Variants in OXR1 observed in about 807,000 individuals in gnomAD.
OXR1 encodes the protein oxidation resistance protein 1.
Under a neutral mutation model 104.6 loss-of-function variants are expected in OXR1, and 41 were observed. That is an observed-to-expected ratio of 0.39 (90% CI 0.31 to 0.51). The LOEUF (loss-of-function observed/expected upper bound fraction) is 0.51. Ranked by LOEUF, OXR1 falls within the 20% of genes least tolerant of loss-of-function variation. The pLI is 0.77. For synonymous variants in OXR1, 348 were observed against 348.4 expected (o/e 1.00, Z 0.01); for missense variants, 955 against 1,031.9 (o/e 0.93, Z 1.02).
intron 2 of OXR1, among the ~76,000 whole-genome samples, chr8:106,380,687 G>A (rs1272563171): frequency 6.6e-6 from 1 of 152,134 alleles, no homozygotes; most frequent in Non-Finnish European, 1.5e-5. Context: ...CAATCTCACT[G>A]TGGTTTTGAT....
chr8:106,646,980 T>C (rs575855022), intron 3 of OXR1, among the ~76,000 whole-genome samples: 3 of 152,296 alleles, frequency 2.0e-5, no homozygotes, highest in South Asian at 4.1e-4. Context: ...ACATTCCAGG[T>C]ATGGAGTATT....
intron 2 of OXR1, among the ~76,000 whole-genome samples, chr8:106,421,941 G>T (rs1445808453): frequency 7.9e-5 from 12 of 152,048 alleles, no homozygotes; most frequent in African/African-American, 2.7e-4. Context: ...TGATTATTTG[G>T]CTGTTTGGGG....
intron 2 of OXR1, among the ~76,000 whole-genome samples, chr8:106,406,310 TA>T (rs1345626951): frequency 2.6e-5 from 4 of 152,260 alleles, no homozygotes; most frequent in East Asian, 1.9e-4. Flanking sequence ...ATTTTTTAAT[TA>T]AAAAATTAAG....
chr8:106,725,437 T>C (rs886427936), intron 11 of OXR1, among the ~76,000 whole-genome samples: 4 of 152,204 alleles, frequency 2.6e-5, no homozygotes, highest in Admixed American at 6.5e-5. Flanking sequence ...GAATTCTAGA[T>C]AGTTTTAGTT....
At chr8:106,382,886 G>A (rs1417529226) in intron 2 of OXR1, among the ~76,000 whole-genome samples, 5 of 151,842 alleles carry the variant, frequency 3.3e-5, no homozygotes, top group African/African-American at 9.7e-5. Flanking sequence ...CCAAGTAAGC[G>A]GAGGGAAATG....
At chr8:106,461,560 C>A (rs1820920089) in intron 2 of OXR1, among the ~76,000 whole-genome samples, 1 of 151,982 alleles carries the variant, frequency 6.6e-6, no homozygotes, top group African/African-American at 2.4e-5. Context: ...GTGAGACTGT[C>A]TCAAAAATAA....
At chr8:106,282,257 A>G (rs1222028186) in intron 1 of OXR1, among the ~76,000 whole-genome samples, 1 of 152,228 alleles carries the variant, frequency 6.6e-6, no homozygotes, top group Admixed American at 6.5e-5. Flanking sequence ...CAGAAACCAC[A>G]TAAGTAATTA....
At chr8:106,731,162 ATCT>A (rs1563754598) in intron 11 of OXR1, among the ~76,000 whole-genome samples, 1 of 152,146 alleles carries the variant, frequency 6.6e-6, no homozygotes, top group African/African-American at 2.4e-5. Flanking sequence ...CCATTTGTAT[ATCT>A]TCTTTAATGA....
intron 3 of OXR1, among the ~76,000 whole-genome samples, chr8:106,587,653 C>T (rs1449415145): frequency 3.9e-5 from 6 of 152,308 alleles, no homozygotes; most frequent in South Asian, 2.1e-4. Flanking sequence ...CTGGTTGAGG[C>T]GTGCTCACAC....
At chr8:106,497,788 A>ATGTGTG (rs5893796) in intron 2 of OXR1, among the ~76,000 whole-genome samples, 149 of 150,548 alleles carry the variant, frequency 9.9e-4, no homozygotes, top group African/African-American at 3.1e-3. Flanking sequence ...TGGTCACCAT[A>ATGTGTG]TGTGTGTGTG....
At chr8:106,376,612 T>C (rs1372040853) in intron 2 of OXR1, among the ~76,000 whole-genome samples, 1 of 152,248 alleles carries the variant, frequency 6.6e-6, no homozygotes, top group Admixed American at 6.5e-5. Context: ...CCTGACTTTT[T>C]GTTATTAAAA....
intron 15 of OXR1, among the ~76,000 whole-genome samples, chr8:106,743,913 A>C (rs983315400): frequency 6.6e-6 from 1 of 152,090 alleles, no homozygotes; most frequent in Non-Finnish European, 1.5e-5. Context: ...GGAATACACC[A>C]TATACACCAT....
At chr8:106,290,300 C>A (rs1053033030) in intron 1 of OXR1, among the ~76,000 whole-genome samples, 1 of 152,066 alleles carries the variant, frequency 6.6e-6, no homozygotes, top group Non-Finnish European at 1.5e-5. Flanking sequence ...CGATAATTAA[C>A]TCAAGTTGGA....
intron 2 of OXR1, among the ~76,000 whole-genome samples, chr8:106,401,752 C>A (rs1818011400): frequency 6.6e-6 from 1 of 152,136 alleles, no homozygotes; most frequent in Non-Finnish European, 1.5e-5. Context: ...AAGTAGAAAG[C>A]CTCTGAATTT....
chr8:106,397,716 A>G (rs903942658), intron 2 of OXR1, among the ~76,000 whole-genome samples: 1 of 152,142 alleles, frequency 6.6e-6, no homozygotes, highest in African/African-American at 2.4e-5. Flanking sequence ...AATTTCTTTT[A>G]AAAGTCAACA....
intron 7 of OXR1, among the ~76,000 whole-genome samples, chr8:106,693,270 G>A (rs750376631): frequency 3.3e-5 from 5 of 151,884 alleles, no homozygotes; most frequent in Admixed American, 1.3e-4. Context: ...AGTATTTGAG[G>A]TATCTTAATT....
At chr8:106,679,524 A>C (rs1158267144) in intron 4 of OXR1, among the ~76,000 whole-genome samples, 2 of 151,992 alleles carry the variant, frequency 1.3e-5, no homozygotes, top group Admixed American at 1.3e-4. Context: ...TATAGATGAT[A>C]GTTTACTGAG....
At chr8:106,532,767 A>T (rs1403880206) in intron 3 of OXR1, among the ~76,000 whole-genome samples, 1 of 152,232 alleles carries the variant, frequency 6.6e-6, no homozygotes, top group Admixed American at 6.5e-5. Flanking sequence ...ATTTAAAAAG[A>T]TATATCCTCT....
At chr8:106,425,606 C>T (rs1819085505) in intron 2 of OXR1, among the ~76,000 whole-genome samples, 1 of 152,102 alleles carries the variant, frequency 6.6e-6, no homozygotes, top group Admixed American at 6.5e-5. Flanking sequence ...TCTGCAGTAC[C>T]ATGGTTATGT....
Sources: allele counts gnomAD v4.1 joint callset (sites outside exome capture counted in the v4.1 genomes callset), GRCh38; gene constraint gnomAD v4.1.1; transcripts MANE v1.5; gene names NCBI Gene and HGNC (gene_info 2026-07-23, HGNC 2026-07-21).